FRY: variants seen among roughly 807,000 people sequenced by gnomAD.
FRY encodes protein furry homolog.
In FRY, 128 loss-of-function variants were observed where a neutral mutation model predicts 348.4. The ratio of observed to expected loss-of-function variants is 0.37; its 90% CI spans 0.32 to 0.43. The LOEUF (loss-of-function observed/expected upper bound fraction) is 0.43, where lower values mean the gene tolerates loss of function less well. Among genes scored for constraint, FRY ranks in the 20% least tolerant of loss-of-function variants. The pLI, the probability that FRY is intolerant of heterozygous loss-of-function variation, is 1.00. For missense variants in FRY, 2,736 were observed against 3,695.2 expected (o/e 0.74, Z 6.73); for synonymous variants, 1,370 against 1,374.7 (o/e 1.00, Z 0.08).
At chr13:32,262,552 T>C in intron 53 of FRY, 77 bp downstream of exon 53, 1 of 1,082,818 alleles carries the variant, frequency 9.2e-7, no homozygotes, top group Non-Finnish European at 1.4e-6. Flanking sequence ...TTTCTGAGAA[T>C]TCTTAAGGGG....
chr13:32,113,044 A>C (rs963150581), intron 3 of FRY, among the ~76,000 whole-genome samples: 1 of 152,216 alleles, frequency 6.6e-6, no homozygotes, highest in African/African-American at 2.4e-5. Flanking sequence ...ATAGATTTTT[A>C]TGATATTGTT....
intron 58 of FRY, among the ~76,000 whole-genome samples, chr13:32,281,276 G>GT (rs1336530837): frequency 6.6e-6 from 1 of 152,156 alleles, no homozygotes; most frequent in Non-Finnish European, 1.5e-5. Context: ...TGAAATAAGG[G>GT]TTTTTCCATT....
chr13:32,199,053 G>A (rs1380063641), intron 29 of FRY, among the ~76,000 whole-genome samples: 1 of 152,222 alleles, frequency 6.6e-6, no homozygotes, highest in Non-Finnish European at 1.5e-5. Context: ...AATAGACTGA[G>A]ATGGATATTT....
intron 1 of FRY, among the ~76,000 whole-genome samples, chr13:32,053,249 TAGAC>T (rs1838955329): frequency 6.6e-6 from 1 of 152,222 alleles, no homozygotes; most frequent in South Asian, 2.1e-4. Flanking sequence ...GTCCCAGTCT[TAGAC>T]AGAAGAGTTA....
chr13:32,248,371 G>C (rs572669873), intron 48 of FRY, among the ~76,000 whole-genome samples: 2 of 152,054 alleles, frequency 1.3e-5, no homozygotes, highest in African/African-American at 2.4e-5. Context: ...ATCACACACC[G>C]AGGCCTATCA....
intron 25 of FRY, 34 bp from the exon 26 acceptor site, chr13:32,184,942 G>T: frequency 1.3e-6 from 2 of 1,576,442 alleles, no homozygotes; most frequent in South Asian, 1.1e-5. Context: ...CATAAAGACT[G>T]ATCATCTAAA....
intron 15 of FRY, 83 bp from the exon 16 acceptor site, chr13:32,157,190 A>T: frequency 7.3e-7 from 1 of 1,364,986 alleles, no homozygotes; most frequent in South Asian, 1.2e-5. Context: ...GGTCTTCAGT[A>T]AAAAATATTA....
intron 11 of FRY, among the ~76,000 whole-genome samples, chr13:32,142,064 CAT>C (rs1360281587): frequency 2.0e-5 from 3 of 152,118 alleles, no homozygotes; most frequent in Non-Finnish European, 4.4e-5. Flanking sequence ...TGGTTTGAGA[CAT>C]ATGCTGAAAT....
chr13:32,067,855 A>G (rs1874360477), intron 1 of FRY, among the ~76,000 whole-genome samples: 1 of 152,218 alleles, frequency 6.6e-6, no homozygotes, highest in South Asian at 2.1e-4. Context: ...GTTGGAGTTA[A>G]TGAAGCATAT....
intron 39 of FRY, among the ~76,000 whole-genome samples, chr13:32,226,553 T>C (rs1885593833): frequency 6.6e-6 from 1 of 152,242 alleles, no homozygotes; most frequent in African/African-American, 2.4e-5. Flanking sequence ...ACGCCATTCA[T>C]GAAAACGGGT....
chr13:32,173,788 G>A (rs894377794), intron 19 of FRY, among the ~76,000 whole-genome samples: 1 of 152,156 alleles, frequency 6.6e-6, no homozygotes, highest in African/African-American at 2.4e-5. Context: ...ACTTTGCTAA[G>A]AAGTGAAGAA....
intron 17 of FRY, among the ~76,000 whole-genome samples, chr13:32,165,858 C>T (rs1345676335): frequency 6.6e-6 from 1 of 152,214 alleles, no homozygotes; most frequent in Non-Finnish European, 1.5e-5. Context: ...AAGAAGGCAG[C>T]TTTGTCCAAG....
intron 58 of FRY, among the ~76,000 whole-genome samples, chr13:32,288,938 A>G (rs1889205354): frequency 6.6e-6 from 1 of 152,228 alleles, no homozygotes; most frequent in African/African-American, 2.4e-5. Flanking sequence ...TAAGCTGTGT[A>G]ATGAACAAAT....
At chr13:32,106,860 A>T (rs921699943) in intron 3 of FRY, among the ~76,000 whole-genome samples, 1 of 152,230 alleles carries the variant, frequency 6.6e-6, no homozygotes, top group Non-Finnish European at 1.5e-5. Context: ...CCAAAGTAGA[A>T]CTATTTACAG....
intron 2 of FRY, among the ~76,000 whole-genome samples, chr13:32,095,589 C>T (rs1379810087): frequency 6.6e-6 from 1 of 152,108 alleles, no homozygotes; most frequent in East Asian, 1.9e-4. Flanking sequence ...GTGATCCACC[C>T]ACCTTGGTCT....
chr13:32,268,495 AAAAAAAAAAAATATATATAT>A (rs1566182319), intron 55 of FRY, among the ~76,000 whole-genome samples: 4 of 15,162 alleles, frequency 2.6e-4, no homozygotes, highest in African/African-American at 6.9e-4. Context: ...TTAAAAAAAA[AAAAAAAAAAAATATATATAT>A]ATATATATAT....
At chr13:32,187,677 A>G (rs773254156) in intron 28 of FRY, 21 bp downstream of exon 28, 7 of 1,297,752 alleles carry the variant, frequency 5.4e-6, no homozygotes, top group South Asian at 1.2e-5. Context: ...GCAAAAATAC[A>G]TTGTTTTTGA....
At chr13:32,116,339 C>T (rs1465320910) in intron 3 of FRY, among the ~76,000 whole-genome samples, 1 of 152,132 alleles carries the variant, frequency 6.6e-6, no homozygotes, top group Non-Finnish European at 1.5e-5. Flanking sequence ...AAACCCATTT[C>T]ATTGTAGTTT....
intron 10 of FRY, among the ~76,000 whole-genome samples, chr13:32,135,900 T>C (rs2138778149): frequency 6.6e-6 from 1 of 152,338 alleles, no homozygotes; most frequent in Admixed American, 6.5e-5. Context: ...TTGCTGGTAG[T>C]GGTGACAAAT....
Sources: allele counts gnomAD v4.1 joint callset (sites outside exome capture counted in the v4.1 genomes callset), GRCh38; gene constraint gnomAD v4.1.1; transcripts MANE v1.5; gene names NCBI Gene and HGNC (gene_info 2026-07-23, HGNC 2026-07-21).